LRRFIP1: variants seen among roughly 807,000 people sequenced by gnomAD.
The protein encoded by LRRFIP1 is leucine-rich repeat flightless-interacting protein 1.
A neutral mutation model predicts 104.4 loss-of-function variants in LRRFIP1; 62 were observed. The observed-to-expected ratio is 0.59, with a 90% CI of 0.48 to 0.73. The LOEUF is 0.73. Among genes scored for constraint, LRRFIP1 ranks in the 30% least tolerant of loss-of-function variants. The pLI, the probability that LRRFIP1 is intolerant of heterozygous loss-of-function variation, is 0.00. For synonymous variants in LRRFIP1, 300 were observed against 299.0 expected (o/e 1.00, Z -0.03); for missense variants, 796 against 824.5 (o/e 0.97, Z 0.42).
rs1236013266 is a variant in LRRFIP1 at position 237,771,576 on chromosome 2, C to T, written c.1510-505C>T. On this transcript the variant is annotated intron_variant, in intron 20 of 23. Coordinates refer to ENST00000308482, the MANE Select transcript of LRRFIP1 (RefSeq NM_001137550.2). Reference sequence around the variant, plus strand: ...TCCCCCCCCCCCCCCGCCCAGATACCAAGGGACAACTGGACATGTTTCTGT... The same window carrying T: ...TCCCCCCCCCCCCCCGCCCAGATACTAAGGGACAACTGGACATGTTTCTGT... Among the ~76,000 whole-genome samples the T allele has an allele frequency of 7.3e-5, 10 of 136,412 alleles. No homozygotes were observed. In the East Asian group the frequency reaches 2.2e-3, roughly 31 times the overall value. The allele number at this position is 136,412 out of a possible 152,430, so 89.5% of individuals were successfully genotyped here.
chr2:237,714,211 T>G, intron 2 of LRRFIP1, 48 bp from the exon 3 acceptor site: 2 of 1,388,036 alleles, frequency 1.4e-6, no homozygotes, highest in Non-Finnish European at 2.0e-6. Context: ...TGTTACTGCT[T>G]CTTTAATTGG....
chr2:237,767,050 A>G (rs188373531), intron 19 of LRRFIP1, among the ~76,000 whole-genome samples: 1 of 152,092 alleles, frequency 6.6e-6, no homozygotes, highest in East Asian at 1.9e-4. Flanking sequence ...TGGCATGTGC[A>G]TGTAGTCCCA....
At chr2:237,737,465 G>T (rs1480234713) in intron 10 of LRRFIP1, among the ~76,000 whole-genome samples, 2 of 152,204 alleles carry the variant, frequency 1.3e-5, no homozygotes, top group Non-Finnish European at 1.5e-5. Flanking sequence ...TGGCGATATA[G>T]ACTTTCACTT....
intron 5 of LRRFIP1, 40 bp from the exon 6 acceptor site, chr2:237,720,732 A>G: frequency 2.5e-6 from 4 of 1,585,018 alleles, no homozygotes; most frequent in Non-Finnish European, 3.5e-6. Context: ...TGTATGTTGT[A>G]TGATTCCTTC....
intron 1 of LRRFIP1, among the ~76,000 whole-genome samples, chr2:237,687,124 C>G (rs1167323097): frequency 6.6e-6 from 1 of 152,224 alleles, no homozygotes. Flanking sequence ...GTGCTAAGGG[C>G]TGAGGAGACC....
intron 1 of LRRFIP1, 26 bp downstream of exon 1, chr2:237,627,766 G>A (rs1430020852): frequency 3.3e-6 from 4 of 1,210,580 alleles, no homozygotes; most frequent in Non-Finnish European, 3.1e-6. Flanking sequence ...GGGCAGCCGG[G>A]GGGCGCCGGG....
intron 1 of LRRFIP1, among the ~76,000 whole-genome samples, chr2:237,699,197 A>G (rs2093365673): frequency 6.6e-6 from 1 of 152,182 alleles, no homozygotes; most frequent in Non-Finnish European, 1.5e-5. Flanking sequence ...GAACAAAGCC[A>G]AGTATCATCA....
At chr2:237,757,644 G>A in intron 17 of LRRFIP1, 96 bp downstream of exon 17, 1 of 800,968 alleles carries the variant, frequency 1.2e-6, no homozygotes, top group East Asian at 2.7e-5. Context: ...CCGCTTGTCT[G>A]AGTATGCATG....
chr2:237,674,787 G>A (rs550241295), intron 1 of LRRFIP1, among the ~76,000 whole-genome samples: 69 of 152,350 alleles, frequency 4.5e-4, no homozygotes, highest in Non-Finnish European at 7.6e-4. Flanking sequence ...GTATTTCTCC[G>A]TCACTTTCGG....
chr2:237,665,241 A>G (rs1003845395), intron 1 of LRRFIP1, among the ~76,000 whole-genome samples: 7 of 151,912 alleles, frequency 4.6e-5, no homozygotes, highest in Non-Finnish European at 1.0e-4. Flanking sequence ...AATTTAGCTT[A>G]AAAAAAGAAA....
chr2:237,754,304 CAGAG>C (rs963180918), intron 15 of LRRFIP1, among the ~76,000 whole-genome samples: 3 of 152,106 alleles, frequency 2.0e-5, no homozygotes, highest in African/African-American at 7.2e-5. Context: ...TCACCAAGCT[CAGAG>C]AGAGAGATAG....
At chr2:237,761,889 C>T (rs1250225919) in intron 19 of LRRFIP1, among the ~76,000 whole-genome samples, 2 of 152,076 alleles carry the variant, frequency 1.3e-5, no homozygotes, top group Admixed American at 1.3e-4. Flanking sequence ...GTTCTTTAGA[C>T]GATGAATAAT....
At chr2:237,744,511 C>A (rs2057545986) in intron 11 of LRRFIP1, among the ~76,000 whole-genome samples, 2 of 152,136 alleles carry the variant, frequency 1.3e-5, no homozygotes, top group African/African-American at 4.8e-5. Context: ...GTACAGGAGC[C>A]TAGATAGCAA....
At chr2:237,645,895 G>A (rs2084833778) in intron 1 of LRRFIP1, among the ~76,000 whole-genome samples, 1 of 148,232 alleles carries the variant, frequency 6.7e-6, no homozygotes, top group Non-Finnish European at 1.5e-5. Context: ...CTGTCCACTG[G>A]GTTCTAGGGA....
At chr2:237,716,318 T>C (rs974171042) in intron 3 of LRRFIP1, among the ~76,000 whole-genome samples, 9 of 152,256 alleles carry the variant, frequency 5.9e-5, no homozygotes, top group South Asian at 2.1e-4. Flanking sequence ...TTTTATTTCC[T>C]TTCTGAATTT....
Position 237,661,687 on chromosome 2 carries a change from C to T in LRRFIP1, c.96+33947C>T, listed in dbSNP as rs1342706611. On this transcript the variant is annotated intron_variant, in intron 1 of 23. Transcript: ENST00000308482. The surrounding 1 kb of genome is among the most constrained non-coding windows in gnomAD (Gnocchi z 4.4). ...GTTCCGAAAGCACATTCCAGGGGGA[C>T]AGTTGTGTCCCTGGTGCAACACGGG... 2.0e-5 allele frequency among the ~76,000 whole-genome samples: 3 copies of T among 152,210 alleles called. No individual in the cohort carries two copies. The highest frequency in any genetic ancestry group is 2.0e-4 in the Admixed American group (3 of 15,284).
intron 1 of LRRFIP1, chr2:237,692,449 C>G: frequency 3.3e-6 from 5 of 1,521,156 alleles, no homozygotes; most frequent in Non-Finnish European, 4.4e-6. Context: ...GGGCCGAGCC[C>G]GGCAGGATGA....
chr2:237,723,569 G>C lies in LRRFIP1; in HGVS notation c.367G>C (p.Gly123Arg). Residue 123 changes from glycine to arginine, a missense_variant, in exon 7 of 24, where the codon GGG (glycine) becomes CGG (arginine). Gly to Arg is a moderately radical substitution (Grantham distance 125). Transcript: ENST00000308482. ...ACAGTCGCAGCCTGACTTGGAGTAT[G>C]GGGGTCCTTACGCCTGGGTGAGATG... ...SLRSQPDLEY[G>R]GPYAWTNGYD... 1 of 1,612,734 alleles carries C rather than the reference G, an allele frequency of 6.2e-7. No individual in the cohort carries two copies. Among genetic ancestry groups the C allele is most frequent in the Non-Finnish European group, 8.5e-7 (1 of 1,179,258 alleles).
At position 237,649,888 on chromosome 2, in the gene LRRFIP1, T is replaced by C. The variant is rs1161146166; in HGVS notation, c.96+22148T>C. Among the ~76,000 whole-genome samples, 1 of 151,996 alleles carries C rather than the reference T, an allele frequency of 6.6e-6. No homozygotes were observed. The highest frequency in any genetic ancestry group is 1.9e-4 in the East Asian group (1 of 5,198). On this transcript the variant is annotated intron_variant, in intron 1 of 23. Coordinates refer to ENST00000308482, the MANE Select transcript of LRRFIP1 (RefSeq NM_001137550.2). The surrounding 1 kb of genome is among the most constrained non-coding windows in gnomAD (Gnocchi z 4.1). ...TACCCCCCGGCATGTCCTAATATAC[T>C]GCAGCCTTCGAAAGAGATGTAGTCC...
Sources: gnomAD v4.1 joint callset for allele counts (sites outside exome capture counted in the v4.1 genomes callset) on GRCh38, gnomAD v4.1.1 for gene constraint, Gnocchi (gnomAD v3.1) non-coding constraint, MANE v1.5 for transcripts, NCBI Gene and HGNC (gene_info 2026-07-23, HGNC 2026-07-21) for gene names.